Variants in NOL12 observed in about 807,000 individuals in gnomAD.
NOL12 encodes the protein nucleolar protein 12.
In NOL12, 21 loss-of-function variants were observed where a neutral mutation model predicts 25.2. The observed-to-expected ratio is 0.83, with a 90% CI of 0.59 to 1.20. The LOEUF is 1.20. Among genes scored for constraint, NOL12 ranks in the 50% most tolerant of loss-of-function variants. The pLI, the probability that NOL12 is intolerant of heterozygous loss-of-function variation, is 0.00. For missense variants in NOL12, 286 were observed against 287.6 expected (o/e 0.99, Z 0.04); for synonymous variants, 133 against 113.8 (o/e 1.17, Z -1.08).
In NOL12 at chr22:37,692,947, T is replaced by G; in HGVS notation, c.*1611T>G. 7.9e-6 allele frequency: 3 copies of G among 378,168 alleles called. No individual in the cohort carries two copies. The Admixed American group carries it at 1.4e-4, about 17-fold the overall frequency. The allele number at this position is 378,168 out of a possible 1,614,324, so 23.4% of individuals were successfully genotyped here. A position where few individuals can be genotyped will look rare whatever the true frequency, so the allele number is the denominator to read the frequency against. On this transcript the variant is annotated 3_prime_UTR_variant, in exon 6 of 6. Transcript: ENST00000359114. ...GGGTATGGTGAGTTCCCCTCAGGGATTGTGCTGAGCGCCTTGGCCTGGCTT... is the reference window on the plus strand; with the variant it reads ...GGGTATGGTGAGTTCCCCTCAGGGAGTGTGCTGAGCGCCTTGGCCTGGCTT...
chr22:37,688,415 C>G, intron 3 of NOL12, 55 bp downstream of exon 3: 1 of 1,576,104 alleles, frequency 6.3e-7, no homozygotes, highest in Non-Finnish European at 8.7e-7. Flanking sequence ...TGGTTTATAC[C>G]CTTGGTGGGT....
chr22:37,687,139 A>G (rs1921850633), intron 1 of NOL12: 2 of 970,592 alleles, frequency 2.1e-6, no homozygotes, highest in South Asian at 9.6e-5. Context: ...TCCTGGGGAC[A>G]TGGGTGTTGG....
rs1922061408 is a variant in NOL12 at position 37,691,431 on chromosome 22, AC to A, written c.*96del. 7.3e-7 allele frequency: 1 copy of A among 1,364,278 alleles called. No homozygotes were observed. The highest frequency in any genetic ancestry group is 1.5e-5 in the African/African-American group (1 of 67,876). The allele number at this position is 1,364,278 out of a possible 1,614,324, so 84.5% of individuals were successfully genotyped here. ...TAGCCCAGCCTGCACCTAGGTAATG[AC>A]TGCACAGCTCAAGGTTGGGAAGCCA... On this transcript the variant is annotated 3_prime_UTR_variant, in exon 6 of 6. Coordinates refer to ENST00000359114, the MANE Select transcript of NOL12 (RefSeq NM_024313.3).
rs921554453 is a variant in NOL12, at chr22:37,687,026, G to T, written c.83+551G>T. On this transcript the variant is annotated intron_variant, in intron 1 of 5. Transcript: ENST00000359114. ...AGCTAGCACTGTGGAGATGAGAAGG[G>T]GCTGAGATTAGACCGAGGGAAGGAG... The T allele has an allele frequency of 1.1e-4, 112 of 985,264 alleles. No individual in the cohort carries two copies. The African/African-American group carries it at 1.8e-3, about 16-fold the overall frequency. 61.0% of individuals were successfully genotyped at this position (985,264 alleles called of 1,614,324 possible).
intron 4 of NOL12, 143 bp downstream of exon 4, chr22:37,689,135 T>G (rs905031151): frequency 9.8e-7 from 1 of 1,022,802 alleles, no homozygotes; most frequent in Non-Finnish European, 1.4e-6. Flanking sequence ...CTTGTCGGGG[T>G]TGCTCAGTGC....
intron 2 of NOL12, 132 bp from the exon 3 acceptor site, chr22:37,688,180 T>C: frequency 8.9e-7 from 1 of 1,125,746 alleles, no homozygotes; most frequent in Non-Finnish European, 1.3e-6. Flanking sequence ...CTGGGAGTGA[T>C]GGAAGATGGA....
Position 37,693,447 on chromosome 22 carries a change from A to T in NOL12, c.*2111A>T, listed in dbSNP as rs1012683797. Reference sequence around the variant, plus strand: ...CTTACATTTACAATTTATAGTGTTTACCAGTATTAAATTCTCAGCCACTCC... The same window carrying T: ...CTTACATTTACAATTTATAGTGTTTTCCAGTATTAAATTCTCAGCCACTCC... On this transcript the variant is annotated 3_prime_UTR_variant, in exon 6 of 6. Coordinates refer to ENST00000359114, the MANE Select transcript of NOL12 (RefSeq NM_024313.3). 1 of 152,236 alleles carries T rather than the reference A, an allele frequency of 6.6e-6. No homozygotes were observed. Among genetic ancestry groups the T allele is most frequent in the African/African-American group, 2.4e-5 (1 of 41,430 alleles). The allele number at this position is 152,236 out of a possible 1,614,324, so 9.4% of individuals were successfully genotyped here. A position where few individuals can be genotyped will look rare whatever the true frequency, so the allele number is the denominator to read the frequency against.
rs775113617 is a variant in NOL12, at chr22:37,686,392, T to C, written c.-1T>C. On this transcript the variant is annotated 5_prime_UTR_variant, in exon 1 of 6. Coordinates refer to ENST00000359114, the MANE Select transcript of NOL12 (RefSeq NM_024313.3). ...GAGAGGAAGCCGGCGGCCTCACTGC[T>C]ATGGGCCGCAACAAGAAGAAGAAGC... 2 of 1,601,300 alleles carry C rather than the reference T, an allele frequency of 1.2e-6. No individual in the cohort carries two copies. Among genetic ancestry groups the C allele is most frequent in the Admixed American group, 1.7e-5 (1 of 57,884 alleles).
In NOL12 at chr22:37,693,431, A is replaced by G. The variant is rs1922156439; in HGVS notation, c.*2095A>G. 1 of 152,320 alleles carries G rather than the reference A, an allele frequency of 6.6e-6. No homozygotes were observed. Among genetic ancestry groups the G allele is most frequent in the Non-Finnish European group, 1.5e-5 (1 of 68,034 alleles). 9.4% of individuals were successfully genotyped at this position (152,320 alleles called of 1,614,324 possible). ...ACAAGGTCATTTACAACTTACATTT[A>G]CAATTTATAGTGTTTACCAGTATTA... On this transcript the variant is annotated 3_prime_UTR_variant, in exon 6 of 6. Transcript: ENST00000359114.
Position 37,687,256 on chromosome 22 carries a change from TG to T in NOL12, c.84-652del, listed in dbSNP as rs996810283. ...AAGGGGTTACCTCATGTACTGTGTG[TG>T]GCCCCCCCCCCCACCCGCCCCACAG... On this transcript the variant is annotated intron_variant, in intron 1 of 5. Transcript: ENST00000359114. 2.6e-4 allele frequency: 47 copies of T among 184,102 alleles called. No homozygotes were observed. In the South Asian group the frequency reaches 8.2e-3, roughly 32 times the overall value. The allele number at this position is 184,102 out of a possible 1,614,324, so 11.4% of individuals were successfully genotyped here.
chr22:37,689,640 T>G (rs1027682811), intron 4 of NOL12, among the ~76,000 whole-genome samples: 1 of 152,274 alleles, frequency 6.6e-6, no homozygotes, highest in Non-Finnish European at 1.5e-5. Context: ...TAAGGATTTA[T>G]GGACATATAT....
intron 5 of NOL12, 130 bp downstream of exon 5, chr22:37,690,924 C>A: frequency 1.4e-6 from 1 of 725,668 alleles, no homozygotes. Context: ...TCCTCTGCCT[C>A]TCCTCATTGC....
rs1922128500 is a variant in NOL12 at position 37,692,774 on chromosome 22, C to T, written c.*1438C>T. 5.0e-6 allele frequency: 2 copies of T among 398,530 alleles called. No individual in the cohort carries two copies. The highest frequency in any genetic ancestry group is 8.8e-6 in the Non-Finnish European group (2 of 226,260). The allele number at this position is 398,530 out of a possible 1,614,324, so 24.7% of individuals were successfully genotyped here. On this transcript the variant is annotated 3_prime_UTR_variant, in exon 6 of 6. Coordinates refer to ENST00000359114, the MANE Select transcript of NOL12 (RefSeq NM_024313.3). ...GAGCCAGGGTCTGCAGGGCTGTCCT[C>T]TCTCCACAGCCAACAGCCAGGCCTT...
At chr22:37,689,367 C>G (rs1200678246) in intron 4 of NOL12, among the ~76,000 whole-genome samples, 1 of 152,144 alleles carries the variant, frequency 6.6e-6, no homozygotes, top group African/African-American at 2.4e-5. Flanking sequence ...GTGGTTAATC[C>G]ATGTGAGTCA....
chr22:37,688,969 C>G lies in NOL12; in HGVS notation c.358C>G (p.Leu120Val). The G allele has an allele frequency of 1.2e-6, 2 of 1,612,958 alleles. No homozygotes were observed. The highest frequency in any genetic ancestry group is 1.7e-6 in the Non-Finnish European group (2 of 1,180,002). The part of the protein sequence containing the change: ...ISDLDLSGAR[L>V]LGLTPPEGGA... Reference sequence around the variant, plus strand: ...TGACCTGGACCTCTCGGGGGCCCGGCTGCTCGGGCTGACCCCACCTGAGGT... The same window carrying G: ...TGACCTGGACCTCTCGGGGGCCCGGGTGCTCGGGCTGACCCCACCTGAGGT... The change falls in exon 4 of 6, where the codon CTG becomes GTG. Residue 120 changes from leucine to valine, a missense_variant. Coordinates refer to ENST00000359114, the MANE Select transcript of NOL12 (RefSeq NM_024313.3).
chr22:37,686,740 C>T lies in NOL12; in HGVS notation c.83+265C>T, dbSNP rs1360989161. ...GGTCTCAGAGCAGTGGCTTCGACCA[C>T]CCTAGCCCAGCCCAGTCCATCGGTC... On this transcript the variant is annotated intron_variant, in intron 1 of 5. Coordinates refer to ENST00000359114, the MANE Select transcript of NOL12 (RefSeq NM_024313.3). The T allele has an allele frequency of 3.0e-6, 3 of 985,350 alleles. No homozygotes were observed. The East Asian group carries it at 3.4e-4, about 112-fold the overall frequency. 61.0% of individuals were successfully genotyped at this position (985,350 alleles called of 1,614,324 possible).
Position 37,687,843 on chromosome 22 carries a change from C to T in NOL12, c.84-67C>T, listed in dbSNP as rs10427776. ...AGTGAGCGCGGCATTAGCCATTTTT[C>T]TCCTAGAGCGAGCCCTTCTCTCCTT... On this transcript the variant is annotated intron_variant, in intron 1 of 5. Coordinates refer to ENST00000359114, the MANE Select transcript of NOL12 (RefSeq NM_024313.3). The T allele has an allele frequency of 0.013, 16,847 of 1,264,392 alleles. 1,292 individuals are homozygous for T. The African/African-American group carries it at 0.19, about 14-fold the overall frequency. The allele number at this position is 1,264,392 out of a possible 1,614,324, so 78.3% of individuals were successfully genotyped here.
chr22:37,688,285 C>T, intron 2 of NOL12, 27 bp from the exon 3 acceptor site: 1 of 1,613,606 alleles, frequency 6.2e-7, no homozygotes, highest in Admixed American at 1.7e-5. Flanking sequence ...GCCATACTCA[C>T]TGTGTTCCCT....
At chr22:37,688,240 G>T in intron 2 of NOL12, 72 bp from the exon 3 acceptor site, 2 of 1,507,134 alleles carry the variant, frequency 1.3e-6, no homozygotes, top group African/African-American at 1.4e-5. Context: ...CACCCTGGGG[G>T]TGATTAATAC....
Sources: allele counts gnomAD v4.1 joint callset (sites outside exome capture counted in the v4.1 genomes callset), GRCh38; gene constraint gnomAD v4.1.1; transcripts MANE v1.5; gene names NCBI Gene and HGNC (gene_info 2026-07-23, HGNC 2026-07-21).